Variants in TUBB8 observed in about 807,000 individuals in gnomAD.
The protein encoded by TUBB8 is tubulin beta-8 chain.
Under a neutral mutation model 33.7 loss-of-function variants are expected in TUBB8, and 25 were observed. The ratio of observed to expected loss-of-function variants is 0.74; its 90% CI spans 0.54 to 1.04. The LOEUF is 1.04. Among genes scored for constraint, TUBB8 ranks in the 50% least tolerant of loss-of-function variants. The pLI is 0.00. For missense variants in TUBB8, 279 were observed against 608.0 expected (o/e 0.46, Z 5.69); for synonymous variants, 245 against 240.1 (o/e 1.02, Z -0.19).
chr10:50,279 G>A (rs1191329737), upstream of TUBB8: 1 of 152,108 alleles, frequency 6.6e-6, no homozygotes, highest in Non-Finnish European at 1.5e-5. Flanking sequence ...TCCCTTCTAG[G>A]GTGAAAAGAA....
chr10:62,640 A>G (rs1367859394), intron 1 of TUBB8, among the ~76,000 whole-genome samples: 1 of 152,236 alleles, frequency 6.6e-6, no homozygotes, highest in Non-Finnish European at 1.5e-5. Context: ...CTTTCAGGCT[A>G]AGAACTCCCT....
At chr10:58,902 G>A (rs1162709907) in intron 1 of TUBB8, among the ~76,000 whole-genome samples, 1 of 152,138 alleles carries the variant, frequency 6.6e-6, no homozygotes, top group African/African-American at 2.4e-5. Flanking sequence ...TCCAACTGGG[G>A]TGCCTTTTAT....
chr10:59,497 C>T (rs1554740612), intron 1 of TUBB8, among the ~76,000 whole-genome samples: 1 of 152,220 alleles, frequency 6.6e-6, no homozygotes, highest in African/African-American at 2.4e-5. Flanking sequence ...CCCCTTCATT[C>T]TGTTTATATG....
chr10:71,809 C>T lies in TUBB8; in HGVS notation c.-846+2160G>A, dbSNP rs1185417291. 2.0e-5 allele frequency among the ~76,000 whole-genome samples: 3 copies of T among 152,166 alleles called. No homozygotes were observed. In the East Asian group the frequency reaches 5.8e-4, roughly 29 times the overall value. On this transcript the variant is annotated intron_variant, in intron 1 of 3. Transcript: ENST00000564130. ...CCTATAGTCCAAGCTACTTGGGAGG[C>T]TGAGGCAGGAGGATTGCTGGAGCCC...
upstream of TUBB8, among the ~76,000 whole-genome samples, chr10:52,834 C>T (rs1834485670): frequency 6.6e-6 from 1 of 152,196 alleles, no homozygotes; most frequent in Non-Finnish European, 1.5e-5. Context: ...CCTAGCTACT[C>T]ATATTAAGAT....
chr10:76,520 G>A (rs2130957685), upstream of TUBB8, among the ~76,000 whole-genome samples: 1 of 152,224 alleles, frequency 6.6e-6, no homozygotes, highest in Admixed American at 6.5e-5. Context: ...CCTCACAGCG[G>A]ACGTGGCCCC....
At chr10:48,955 G>C (rs1367100893) in intron 1 of TUBB8, 43 bp from the exon 2 acceptor site, 80 of 1,399,946 alleles carry the variant, frequency 5.7e-5, no homozygotes, top group East Asian at 3.0e-4. Flanking sequence ...GGCTGAGTCA[G>C]GGAGGCGCCC....
chr10:73,954 A>AT (rs1564214417), intron 1 of TUBB8: 2 of 154,392 alleles, frequency 1.3e-5, no homozygotes, highest in Non-Finnish European at 3.0e-5. Context: ...CGCGGGCAGG[A>AT]AGCCTTTTCC....
chr10:48,221 T>C lies in TUBB8; in HGVS notation c.278-107A>G, dbSNP rs187530491. ...CGTCACACGTGAGGTGAGAGCACCG[T>C]TCGCCCTGCAGGTGGAGCAGATGAA... On this transcript the variant is annotated intron_variant, in intron 3 of 3. Coordinates refer to ENST00000568584, the MANE Select transcript of TUBB8 (RefSeq NM_177987.3). The C allele has an allele frequency of 1.2e-3, 1,232 of 1,043,858 alleles. 1 individual carries two copies. The African/African-American group carries it at 0.017, about 14-fold the overall frequency. The allele number at this position is 1,043,858 out of a possible 1,614,324, so 64.7% of individuals were successfully genotyped here. A position where few individuals can be genotyped will look rare whatever the true frequency, so the allele number is the denominator to read the frequency against.
intron 1 of TUBB8, among the ~76,000 whole-genome samples, chr10:72,865 A>G (rs9419536): frequency 6.8e-6 from 1 of 146,962 alleles, no homozygotes; most frequent in Non-Finnish European, 1.5e-5. Context: ...AAAAAAAAAA[A>G]AAAAGCAAAA....
chr10:76,238 C>A (rs1385740794), upstream of TUBB8, among the ~76,000 whole-genome samples: 3 of 151,952 alleles, frequency 2.0e-5, no homozygotes, highest in Non-Finnish European at 2.9e-5. Context: ...TCCCGACCGA[C>A]GGCACAACGG....
intron 1 of TUBB8, among the ~76,000 whole-genome samples, chr10:67,258 A>C (rs1233257898): frequency 6.6e-6 from 1 of 151,978 alleles, no homozygotes; most frequent in African/African-American, 2.4e-5. Context: ...TTGGGATTGT[A>C]ACAGGAATCA....
At chr10:48,255 C>T (rs192013556) in intron 3 of TUBB8, 141 bp from the exon 4 acceptor site, 35 of 999,332 alleles carry the variant, frequency 3.5e-5, no homozygotes, top group Middle Eastern at 2.9e-4. Flanking sequence ...AAACCCCCTC[C>T]CCCAGAGTTA....
chr10:54,736 A>G lies in TUBB8; in HGVS notation c.-845-4503T>C, dbSNP rs11490286. ...TGTATTAGTCTGTTTCTGCACTGCT[A>G]TAAAAAAACTGAGACTGGGTTATTT... On this transcript the variant is annotated intron_variant, in intron 1 of 3. Coordinates refer to the TUBB8 transcript ENST00000564130. Among the ~76,000 whole-genome samples, 901 of 152,276 alleles carry G rather than the reference A, an allele frequency of 5.9e-3. 9 individuals carry two copies. Among genetic ancestry groups the G allele is most frequent in the African/African-American group, 0.021 (873 of 41,530 alleles).
chr10:66,391 G>A (rs1202728948), intron 1 of TUBB8, among the ~76,000 whole-genome samples: 1 of 152,244 alleles, frequency 6.6e-6, no homozygotes, highest in African/African-American at 2.4e-5. Flanking sequence ...GCCCACACCT[G>A]TAATACCAGC....
In TUBB8 at chr10:47,698, T is replaced by C. The variant is rs1554738316; in HGVS notation, c.694A>G (p.Thr232Ala). The change falls in exon 4 of 4, where the codon ACC becomes GCC. Residue 232 changes from threonine (T) to alanine (A), a missense_variant. Around this residue, in one of 4 missense-constraint regions of TUBB8, gnomAD observed 96 missense variants for 233.7 expected, o/e 0.41. Transcript: ENST00000568584. Reference protein sequence around the residue: ...YGDLNHLVSATMSGVTTCLRF... With the variant: ...YGDLNHLVSAAMSGVTTCLRF... Reference sequence around the variant, plus strand: ...AGGCACGTGGTGACCCCACTCATGGTAGCAGACACCAGGTGGTTCAGGTCA... The same window carrying C: ...AGGCACGTGGTGACCCCACTCATGGCAGCAGACACCAGGTGGTTCAGGTCA... 10 of 1,612,098 alleles carry C rather than the reference T, an allele frequency of 6.2e-6. No individual in the cohort carries two copies. The highest frequency in any genetic ancestry group is 1.1e-5 in the South Asian group (1 of 91,008).
rs575825709 is a variant in TUBB8 at position 69,191 on chromosome 10, A to C, written c.-846+4778T>G. Among the ~76,000 whole-genome samples, 6 of 152,306 alleles carry C rather than the reference A, an allele frequency of 3.9e-5. No homozygotes were observed. The South Asian group carries it at 1.2e-3, about 32-fold the overall frequency. On this transcript the variant is annotated intron_variant, in intron 1 of 3. Transcript: ENST00000564130. ...CCTTAGAACAAGGACCACAGGACTG[A>C]CCATGACCTCCACACACTGTGTGCT...
At chr10:76,577 G>A (rs186200907), upstream of TUBB8, among the ~76,000 whole-genome samples, 1,448 of 152,270 alleles carry the variant, frequency 9.5e-3, 22 homozygotes, top group African/African-American at 0.033. Flanking sequence ...CTGAGAGGAA[G>A]CTCCGTCCTC....
upstream of TUBB8, among the ~76,000 whole-genome samples, chr10:75,479 A>G (rs1434253227): frequency 3.3e-5 from 5 of 150,798 alleles, no homozygotes; most frequent in Non-Finnish European, 7.4e-5. Flanking sequence ...ACATGAGGAC[A>G]CCCCATCCCT....
Sources: allele counts gnomAD v4.1 joint callset (sites outside exome capture counted in the v4.1 genomes callset), GRCh38; gene constraint gnomAD v4.1.1; regional missense constraint gnomAD v4.1.1; transcripts MANE v1.5; gene names NCBI Gene and HGNC (gene_info 2026-07-23, HGNC 2026-07-21).